FOXP1: variants seen among roughly 807,000 people sequenced by gnomAD.
The protein encoded by FOXP1 is forkhead box protein P1.
FOXP1 carries 15 observed loss-of-function variants against 98.2 expected under a neutral mutation model. The observed-to-expected ratio is 0.15, with a 90% CI of 0.10 to 0.24. FOXP1 has a LOEUF of 0.24. Among genes scored for constraint, FOXP1 ranks in the 10% least tolerant of loss-of-function variants. FOXP1 has a pLI of 1.00. For synonymous variants in FOXP1, 371 were observed against 314.5 expected (o/e 1.18, Z -1.90); for missense variants, 633 against 848.5 (o/e 0.75, Z 3.15).
intron 13 of FOXP1, among the ~76,000 whole-genome samples, chr3:70,990,849 C>T (rs2040492196): frequency 1.3e-5 from 2 of 152,144 alleles, no homozygotes; most frequent in Admixed American, 1.3e-4. Flanking sequence ...GATGTGGACA[C>T]AACAATCACA....
chr3:71,499,425 T>C (rs1042762001), intron 2 of FOXP1, among the ~76,000 whole-genome samples: 2 of 152,384 alleles, frequency 1.3e-5, no homozygotes, highest in Non-Finnish European at 2.9e-5. Context: ...CGTATGTATA[T>C]ACACACACAT....
chr3:71,210,899 T>A (rs948330215), intron 5 of FOXP1: 2 of 152,214 alleles, frequency 1.3e-5, no homozygotes, highest in African/African-American at 4.8e-5. Context: ...CTTCAGTTTT[T>A]ATTTTCTTTT....
chr3:71,552,329 C>A (rs2045841093), intron 2 of FOXP1, among the ~76,000 whole-genome samples: 1 of 151,874 alleles, frequency 6.6e-6, no homozygotes, highest in Non-Finnish European at 1.5e-5. Context: ...AAAAACAGAA[C>A]TATGTACATA....
intron 3 of FOXP1, among the ~76,000 whole-genome samples, chr3:71,445,354 C>T (rs183315637): frequency 6.6e-6 from 1 of 152,270 alleles, no homozygotes; most frequent in Admixed American, 6.5e-5. Context: ...GGCAGCTCAG[C>T]AGTGTTTTGC....
At chr3:71,144,682 G>T (rs1313298046) in intron 6 of FOXP1, among the ~76,000 whole-genome samples, 1 of 152,206 alleles carries the variant, frequency 6.6e-6, no homozygotes, top group Non-Finnish European at 1.5e-5. Context: ...TGTAGAGCAT[G>T]TGCAGCAGTT....
chr3:71,557,475 T>C (rs1250945094), intron 2 of FOXP1, among the ~76,000 whole-genome samples: 4 of 151,876 alleles, frequency 2.6e-5, no homozygotes, highest in Non-Finnish European at 4.4e-5. Context: ...CCAAAACTCC[T>C]TCACCTCATG....
At chr3:71,162,688 C>T (rs372858487) in intron 6 of FOXP1, among the ~76,000 whole-genome samples, 8 of 152,138 alleles carry the variant, frequency 5.3e-5, no homozygotes, top group Non-Finnish European at 7.4e-5. Context: ...TGAAGCCCCA[C>T]CCATTGTTAC....
intron 6 of FOXP1, among the ~76,000 whole-genome samples, chr3:71,129,646 G>T (rs544110374): frequency 2.6e-4 from 40 of 152,268 alleles, no homozygotes; most frequent in Non-Finnish European, 5.1e-4. Flanking sequence ...GTCAGGGAAG[G>T]GGGGTGTGGA....
At chr3:71,498,333 A>G (rs554130966) in intron 2 of FOXP1, among the ~76,000 whole-genome samples, 9 of 152,318 alleles carry the variant, frequency 5.9e-5, no homozygotes, top group East Asian at 1.9e-4. Context: ...AGGGAGCTAG[A>G]AAGAGCAGCT....
At chr3:71,156,363 T>A (rs1177501289) in intron 6 of FOXP1, among the ~76,000 whole-genome samples, 1 of 151,954 alleles carries the variant, frequency 6.6e-6, no homozygotes, top group Non-Finnish European at 1.5e-5. Context: ...CACAGAGAGG[T>A]AAATACAACA....
intron 5 of FOXP1, among the ~76,000 whole-genome samples, chr3:71,221,990 TA>T (rs935227814): frequency 2.0e-5 from 3 of 152,048 alleles, no homozygotes; most frequent in Non-Finnish European, 4.4e-5. Context: ...CTGTCTCTAC[TA>T]AAAATACAAA....
chr3:71,566,290 G>C (rs2046907533), intron 2 of FOXP1, among the ~76,000 whole-genome samples: 1 of 152,214 alleles, frequency 6.6e-6, no homozygotes, highest in Non-Finnish European at 1.5e-5. Context: ...TGGGGAAATA[G>C]AGACATTGAA....
chr3:71,110,898 T>C (rs185741816), intron 7 of FOXP1, among the ~76,000 whole-genome samples: 24 of 152,326 alleles, frequency 1.6e-4, no homozygotes, highest in Admixed American at 1.5e-3. Flanking sequence ...GTCCCCTGCA[T>C]GCGCACGCAT....
chr3:71,229,651 T>G (rs1231556332), intron 5 of FOXP1, among the ~76,000 whole-genome samples: 1 of 152,138 alleles, frequency 6.6e-6, no homozygotes, highest in Non-Finnish European at 1.5e-5. Flanking sequence ...CTCCACACTA[T>G]CCTTGTAGAA....
At chr3:71,144,499 C>T (rs1474283630) in intron 6 of FOXP1, among the ~76,000 whole-genome samples, 2 of 152,154 alleles carry the variant, frequency 1.3e-5, no homozygotes, top group East Asian at 1.9e-4. Context: ...GCATCTCATT[C>T]GGCAGGTAAG....
intron 7 of FOXP1, among the ~76,000 whole-genome samples, chr3:71,106,742 A>C (rs1575726446): frequency 6.7e-6 from 1 of 148,768 alleles, no homozygotes; most frequent in Admixed American, 6.7e-5. Flanking sequence ...TATGGTGCAC[A>C]CCACTGCAGT....
chr3:71,490,855 C>G (rs984343094), intron 3 of FOXP1, among the ~76,000 whole-genome samples: 13 of 152,154 alleles, frequency 8.5e-5, no homozygotes, highest in Admixed American at 8.5e-4. Context: ...CAGACTCTCT[C>G]AATACCAAAG....
At chr3:71,410,976 C>T (rs1412173804) in intron 3 of FOXP1, among the ~76,000 whole-genome samples, 1 of 152,166 alleles carries the variant, frequency 6.6e-6, no homozygotes, top group East Asian at 1.9e-4. Flanking sequence ...GACAAACAGG[C>T]AAGCTGTTTA....
intron 6 of FOXP1, among the ~76,000 whole-genome samples, chr3:71,133,423 C>T (rs1470340601): frequency 6.6e-6 from 1 of 152,214 alleles, no homozygotes; most frequent in Non-Finnish European, 1.5e-5. Context: ...TTCCTCCTCT[C>T]CCTTTCAGAC....
Sources: gnomAD v4.1 joint callset for allele counts (sites outside exome capture counted in the v4.1 genomes callset) on GRCh38, gnomAD v4.1.1 for gene constraint, MANE v1.5 for transcripts, NCBI Gene and HGNC (gene_info 2026-07-23, HGNC 2026-07-21) for gene names.